ATP9B: variants seen among roughly 807,000 people sequenced by gnomAD.
The protein encoded by ATP9B is probable phospholipid-transporting ATPase IIB.
Under a neutral mutation model 146.1 loss-of-function variants are expected in ATP9B, and 110 were observed. The observed-to-expected ratio is 0.75, with a 90% confidence interval of 0.65 to 0.88. The LOEUF (loss-of-function observed/expected upper bound fraction) is 0.88, where lower values mean the gene tolerates loss of function less well. ATP9B is among the 40% of genes least tolerant of loss of function. The pLI is 0.00. For synonymous variants in ATP9B, 604 were observed against 569.7 expected, an observed-to-expected ratio of 1.06 and a Z score of -0.86; for missense variants, 1,499 against 1,496.4, an observed-to-expected ratio of 1.00 and a Z score of -0.03.
intron 7 of ATP9B, among the ~76,000 whole-genome samples, chr18:79,166,680 C>A (rs1235526725): frequency 6.6e-6 from 1 of 152,140 alleles, no homozygotes; most frequent in Non-Finnish European, 1.5e-5. Flanking sequence ...GGAAGTCCAA[C>A]TAGCTAAGCC....
At position 79,274,450 on chromosome 18, in the gene ATP9B, CCTT is replaced by C. The variant is rs1201482477; in HGVS notation, c.1269-2603_1269-2601del. On this transcript the variant is annotated intron_variant, in intron 12 of 29. Transcript: ENST00000426216. ...TGCTCCCGATGTGTTGTTATATACT[CCTT>C]ATGTGGTATTAAATACCCCATGTGG... Among the ~76,000 whole-genome samples the C allele has an allele frequency of 2.6e-5, 4 of 152,202 alleles. No homozygotes were observed. In the East Asian group the frequency reaches 5.8e-4, roughly 22 times the overall value.
chr18:79,218,984 G>A (rs1192368365), intron 11 of ATP9B, among the ~76,000 whole-genome samples: 3 of 152,098 alleles, frequency 2.0e-5, no homozygotes, highest in African/African-American at 4.8e-5. Flanking sequence ...TGCAGAACCC[G>A]GAAGAATACC....
Position 79,110,439 on chromosome 18 carries a change from T to C in ATP9B, c.378T>C (p.Cys126=), listed in dbSNP as rs754421126. The C allele has an allele frequency of 1.2e-5, 20 of 1,612,988 alleles. No individual in the cohort carries two copies. Among genetic ancestry groups the C allele is most frequent in the Non-Finnish European group, 1.4e-5 (17 of 1,179,266 alleles). The part of the protein sequence containing the change: ...RTVWLGCPEK[C]EEKHPRNSIK... The stretch of plus-strand genomic sequence containing the variant: ...TATGGCTTGGATGTCCTGAAAAGTG[T>C]GAAGAAAAACATCCCAGGAATTCTA... Residue 126 remains cysteine, a synonymous_variant, in exon 3 of 30, where the codon TGT becomes TGC. Coordinates refer to ENST00000426216, the MANE Select transcript of ATP9B (RefSeq NM_198531.5).
intron 15 of ATP9B, among the ~76,000 whole-genome samples, chr18:79,320,529 A>C (rs575397227): frequency 3.9e-5 from 6 of 152,180 alleles, no homozygotes; most frequent in African/African-American, 1.4e-4. Flanking sequence ...TAACAAATGT[A>C]TTTGTCACTG....
At chr18:79,183,792 TAA>T (rs56149975) in intron 8 of ATP9B, among the ~76,000 whole-genome samples, 36 of 143,966 alleles carry the variant, frequency 2.5e-4, no homozygotes, top group Middle Eastern at 3.7e-3. Context: ...AGTTTAAAGT[TAA>T]AAAAAAAAAA....
rs190063235 is a variant in ATP9B, at chr18:79,232,323, C to T, written c.1107+18285C>T. On this transcript the variant is annotated intron_variant, in intron 11 of 29. Transcript: ENST00000426216. ...CCTCCTTCCCCACACCTTGTCTGCA[C>T]ACCATCAGGGCTCAGTGTGATAAAC... Among the ~76,000 whole-genome samples the T allele has an allele frequency of 2.6e-3, 394 of 152,332 alleles. 2 individuals carry two copies. Among genetic ancestry groups the T allele is most frequent in the Admixed American group, 7.2e-3 (110 of 15,306 alleles).
intron 26 of ATP9B, among the ~76,000 whole-genome samples, chr18:79,367,850 G>A (rs1600441085): frequency 6.6e-6 from 1 of 152,264 alleles, no homozygotes; most frequent in Non-Finnish European, 1.5e-5. Context: ...AAAAAGACAT[G>A]TCCGGAGCTT....
At chr18:79,350,643 A>T (rs569370254) in intron 25 of ATP9B, among the ~76,000 whole-genome samples, 1 of 152,364 alleles carries the variant, frequency 6.6e-6, no homozygotes, top group South Asian at 2.1e-4. Context: ...GCTTTCCGTG[A>T]ATTCCAGTAG....
At chr18:79,294,132 A>T (rs751584811) in intron 13 of ATP9B, among the ~76,000 whole-genome samples, 17 of 152,228 alleles carry the variant, frequency 1.1e-4, no homozygotes, top group Non-Finnish European at 2.1e-4. Flanking sequence ...GTCTAGAAAG[A>T]GTCTGTGAAT....
At chr18:79,136,979 G>A (rs1334685212) in intron 5 of ATP9B, among the ~76,000 whole-genome samples, 6 of 152,290 alleles carry the variant, frequency 3.9e-5, no homozygotes, top group Middle Eastern at 3.4e-3. Context: ...GAGGGTAACC[G>A]CCCCATGATT....
intron 15 of ATP9B, among the ~76,000 whole-genome samples, chr18:79,319,500 G>A (rs1366170350): frequency 6.6e-6 from 1 of 152,124 alleles, no homozygotes; most frequent in African/African-American, 2.4e-5. Context: ...AGTGAATAGA[G>A]GGAACACTGA....
chr18:79,330,515 C>T (rs1225353042), intron 17 of ATP9B, among the ~76,000 whole-genome samples: 6 of 151,782 alleles, frequency 4.0e-5, no homozygotes, highest in African/African-American at 7.3e-5. Context: ...CAGGTTCAAG[C>T]GATTCTCCTG....
At chr18:79,116,759 CTG>C (rs2094081394) in intron 4 of ATP9B, among the ~76,000 whole-genome samples, 1 of 75,440 alleles carries the variant, frequency 1.3e-5, no homozygotes, top group Admixed American at 1.4e-4. Context: ...ATATCACACT[CTG>C]GGGACTGTGG....
intron 11 of ATP9B, among the ~76,000 whole-genome samples, chr18:79,242,821 T>C (rs1027641029): frequency 6.6e-6 from 1 of 152,232 alleles, no homozygotes; most frequent in Admixed American, 6.5e-5. Context: ...CACAAAAATT[T>C]TAGATGGTTT....
At chr18:79,079,018 T>C (rs2072952100) in intron 1 of ATP9B, among the ~76,000 whole-genome samples, 1 of 152,210 alleles carries the variant, frequency 6.6e-6, no homozygotes, top group Admixed American at 6.5e-5. Context: ...TGCATAGTAT[T>C]CCATGGTGTA....
At chr18:79,254,888 C>T (rs753759417) in intron 12 of ATP9B, 1 of 152,236 alleles carries the variant, frequency 6.6e-6, no homozygotes, top group Non-Finnish European at 1.5e-5. Context: ...TCAGTACAGA[C>T]CAAGAAACAG....
At chr18:79,069,826 A>G (rs2071506175) in intron 1 of ATP9B, among the ~76,000 whole-genome samples, 2 of 152,238 alleles carry the variant, frequency 1.3e-5, no homozygotes, top group South Asian at 2.1e-4. Flanking sequence ...CTGCTCTCCT[A>G]AAGTAAACGG....
At chr18:79,147,201 C>A (rs900973723) in intron 6 of ATP9B, among the ~76,000 whole-genome samples, 1 of 152,018 alleles carries the variant, frequency 6.6e-6, no homozygotes, top group East Asian at 1.9e-4. Flanking sequence ...CCATAAAATT[C>A]GTGAATCAAC....
At chr18:79,179,587 A>G (rs971156001) in intron 8 of ATP9B, among the ~76,000 whole-genome samples, 3 of 152,304 alleles carry the variant, frequency 2.0e-5, no homozygotes, top group African/African-American at 7.2e-5. Context: ...GTTATTTGCT[A>G]AACAGTTGGG....
Sources: allele counts gnomAD v4.1 joint callset (sites outside exome capture counted in the v4.1 genomes callset), GRCh38; gene constraint gnomAD v4.1.1; transcripts MANE v1.5; gene names NCBI Gene and HGNC (gene_info 2026-07-23, HGNC 2026-07-21).